The following DOCK4 variants were observed in gnomAD, a reference collection of about 807,000 sequenced individuals.
DOCK4 encodes dedicator of cytokinesis 4.
A neutral mutation model predicts 268.1 loss-of-function variants in DOCK4; 97 were observed. The observed-to-expected ratio is 0.36, with a 90% CI of 0.31 to 0.43. The LOEUF (loss-of-function observed/expected upper bound fraction) is 0.43, where lower values mean the gene tolerates loss of function less well. DOCK4 is among the 20% of genes least tolerant of loss of function. The probability of loss-of-function intolerance (pLI) is 1.00; values close to 1 mark genes in which losing one functional copy is unlikely to be tolerated. For missense variants in DOCK4, 2,145 were observed against 2,455.7 expected (o/e 0.87, Z 2.67); for synonymous variants, 954 against 887.2 (o/e 1.08, Z -1.34).
chr7:111,797,678 G>GA (rs1215240317), intron 30 of DOCK4, among the ~76,000 whole-genome samples: 1 of 151,968 alleles, frequency 6.6e-6, no homozygotes, highest in East Asian at 1.9e-4. Flanking sequence ...GGAAATAAAT[G>GA]AAAAAAGCAC....
At chr7:112,056,628 G>C (rs1311060696) in intron 1 of DOCK4, among the ~76,000 whole-genome samples, 1 of 152,156 alleles carries the variant, frequency 6.6e-6, no homozygotes, top group Non-Finnish European at 1.5e-5. Flanking sequence ...GCCCAGCTAA[G>C]TGGATTTACA....
chr7:111,854,255 C>A (rs1470210834), intron 23 of DOCK4, among the ~76,000 whole-genome samples: 3 of 152,218 alleles, frequency 2.0e-5, no homozygotes, highest in African/African-American at 4.8e-5. Context: ...TAAAGATCAA[C>A]CCCTGACCTA....
In DOCK4 at chr7:112,158,264, T is replaced by C. The variant is rs74603325; in HGVS notation, c.37+47838A>G. 7.1e-3 allele frequency among the ~76,000 whole-genome samples: 1,074 copies of C among 152,320 alleles called. 16 individuals carry two copies. Among genetic ancestry groups the C allele is most frequent in the African/African-American group, 0.025 (1,029 of 41,578 alleles). ...GCCCAAGTTTCTAGCTAGAAACCTA[T>C]ATGGACTTGGTACTACTCATGGTCT... On this transcript the variant is annotated intron_variant, in intron 1 of 52. Transcript: ENST00000428084.
At chr7:112,130,211 G>A (rs1813676083) in intron 1 of DOCK4, among the ~76,000 whole-genome samples, 1 of 152,150 alleles carries the variant, frequency 6.6e-6, no homozygotes, top group South Asian at 2.1e-4. Context: ...TACAGGATGA[G>A]GACGGGGGCT....
intron 1 of DOCK4, among the ~76,000 whole-genome samples, chr7:112,037,810 T>C (rs566212994): frequency 4.9e-4 from 75 of 152,330 alleles, no homozygotes; most frequent in African/African-American, 1.6e-3. Flanking sequence ...TTTAATTTTA[T>C]AGGAGATATT....
At chr7:111,934,676 C>T (rs1794570419) in intron 12 of DOCK4, among the ~76,000 whole-genome samples, 1 of 150,622 alleles carries the variant, frequency 6.6e-6, no homozygotes. Context: ...ACTACAGGTG[C>T]CTGCCACCAT....
chr7:112,155,755 A>G (rs981066422), intron 1 of DOCK4, among the ~76,000 whole-genome samples: 1 of 152,016 alleles, frequency 6.6e-6, no homozygotes, highest in Non-Finnish European at 1.5e-5. Context: ...AAGGTAATGG[A>G]CGGTAGTATT....
chr7:111,949,802 T>C (rs1448310231), intron 8 of DOCK4, among the ~76,000 whole-genome samples: 3 of 152,232 alleles, frequency 2.0e-5, no homozygotes, highest in African/African-American at 7.2e-5. Context: ...AAGACCTATA[T>C]TAACGTATTT....
chr7:111,749,350 A>C (rs1796482046), intron 42 of DOCK4, among the ~76,000 whole-genome samples: 1 of 152,164 alleles, frequency 6.6e-6, no homozygotes, highest in African/African-American at 2.4e-5. Flanking sequence ...GGTCTAGGGG[A>C]AAGGGGAGAG....
intron 1 of DOCK4, among the ~76,000 whole-genome samples, chr7:112,011,702 A>C (rs1252008406): frequency 6.7e-6 from 1 of 149,824 alleles, no homozygotes; most frequent in East Asian, 2.0e-4. Flanking sequence ...CATGTCACAA[A>C]TGCTAAGGTC....
chr7:111,908,129 T>C (rs1282649334), intron 13 of DOCK4, among the ~76,000 whole-genome samples: 2 of 152,184 alleles, frequency 1.3e-5, no homozygotes, highest in South Asian at 2.1e-4. Flanking sequence ...TGTTGATGTG[T>C]ATTTCTCTAT....
At chr7:112,026,812 C>T (rs1802837868) in intron 1 of DOCK4, among the ~76,000 whole-genome samples, 1 of 152,180 alleles carries the variant, frequency 6.6e-6, no homozygotes, top group African/African-American at 2.4e-5. Flanking sequence ...GAGTTTTCCA[C>T]TCCTGCTCTC....
intron 1 of DOCK4, among the ~76,000 whole-genome samples, chr7:112,163,453 C>T (rs564269711): frequency 1.3e-5 from 2 of 152,250 alleles, no homozygotes; most frequent in Admixed American, 6.5e-5. Flanking sequence ...GTATAACGTC[C>T]TAAAAGAGAA....
chr7:111,930,390 A>T (rs757947530), intron 12 of DOCK4, among the ~76,000 whole-genome samples: 3 of 152,192 alleles, frequency 2.0e-5, no homozygotes, highest in Non-Finnish European at 4.4e-5. Context: ...ACAAGATTAC[A>T]ACTCCAATAG....
At chr7:112,079,847 C>G (rs1350240968) in intron 1 of DOCK4, among the ~76,000 whole-genome samples, 1 of 152,156 alleles carries the variant, frequency 6.6e-6, no homozygotes, top group East Asian at 1.9e-4. Flanking sequence ...ATAACATCAT[C>G]TTCATTATTT....
rs1348124720 is a variant in DOCK4 at position 111,778,287 on chromosome 7, T to C, written c.3668A>G (p.Gln1223Arg). Residue 1223 changes from glutamine (Q) to arginine (R), a missense_variant, in exon 36 of 53, where the codon CAG (glutamine) becomes CGG (arginine). Coordinates refer to ENST00000428084, the MANE Select transcript of DOCK4 (RefSeq NM_001363540.2). ...HKLYDLHLKA[Q>R]NFTEAAYTLL... ...AAAGACAGAATTACCTGTAAAGTTC[T>C]GTGCTTTGAGATGCAGATCATAGAG... 1.9e-6 allele frequency: 3 copies of C among 1,610,966 alleles called. No individual in the cohort carries two copies. Among genetic ancestry groups the C allele is most frequent in the Non-Finnish European group, 2.5e-6 (3 of 1,177,352 alleles).
At chr7:111,902,295 G>T (rs189338589) in intron 13 of DOCK4, among the ~76,000 whole-genome samples, 1 of 152,180 alleles carries the variant, frequency 6.6e-6, no homozygotes, top group Non-Finnish European at 1.5e-5. Context: ...ACTGCTGGAA[G>T]AATCCAGATT....
At chr7:111,802,454 C>A (rs921828287) in intron 30 of DOCK4, among the ~76,000 whole-genome samples, 1 of 152,142 alleles carries the variant, frequency 6.6e-6, no homozygotes, top group Non-Finnish European at 1.5e-5. Context: ...TAAACCTTTG[C>A]ACAGCTTTTG....
intron 31 of DOCK4, 123 bp downstream of exon 31, chr7:111,790,334 G>C: frequency 8.4e-7 from 1 of 1,192,544 alleles, no homozygotes; most frequent in South Asian, 1.5e-5. Context: ...GGATAGGCCA[G>C]GCTGGAATCT....
Sources: allele counts gnomAD v4.1 joint callset (sites outside exome capture counted in the v4.1 genomes callset), GRCh38; gene constraint gnomAD v4.1.1; transcripts MANE v1.5; gene names NCBI Gene and HGNC (gene_info 2026-07-23, HGNC 2026-07-21).